CEP128: variants seen among roughly 807,000 people sequenced by gnomAD.
The protein encoded by CEP128 is centrosomal protein 128kDa.
A neutral mutation model predicts 156.7 loss-of-function variants in CEP128; 132 were observed. That is an observed-to-expected ratio of 0.84 (90% confidence interval 0.73 to 0.97). The LOEUF (loss-of-function observed/expected upper bound fraction) is 0.97, where lower values mean the gene tolerates loss of function less well. Ranked by LOEUF, CEP128 falls within the 50% of genes least tolerant of loss-of-function variation. The pLI is 0.00. For missense variants in CEP128, 1,252 were observed against 1,281.9 expected, an observed-to-expected ratio of 0.98 and a Z score of 0.36; for synonymous variants, 469 against 448.9, an observed-to-expected ratio of 1.04 and a Z score of -0.57.
intron 19 of CEP128, among the ~76,000 whole-genome samples, chr14:80,695,083 T>C (rs1896845820): frequency 6.6e-6 from 1 of 152,032 alleles, no homozygotes; most frequent in Admixed American, 6.5e-5. Context: ...AGTGGAGATG[T>C]TTCCAAGGGA....
chr14:80,647,718 C>T (rs1339713455), intron 19 of CEP128, among the ~76,000 whole-genome samples: 2 of 151,994 alleles, frequency 1.3e-5, no homozygotes, highest in Admixed American at 1.3e-4. Context: ...TAGCCTACAA[C>T]GTGCAGTATA....
intron 19 of CEP128, among the ~76,000 whole-genome samples, chr14:80,740,157 G>C (rs1260115381): frequency 1.3e-5 from 2 of 151,538 alleles, no homozygotes; most frequent in African/African-American, 4.8e-5. Flanking sequence ...CTCCTTTAGT[G>C]TTCTTTCATT....
At chr14:80,812,237 A>C (rs1355013633) in intron 13 of CEP128, among the ~76,000 whole-genome samples, 1 of 152,164 alleles carries the variant, frequency 6.6e-6, no homozygotes, top group Non-Finnish European at 1.5e-5. Flanking sequence ...ACATGATTTC[A>C]TTAGTTTTAT....
intron 19 of CEP128, among the ~76,000 whole-genome samples, chr14:80,636,986 T>C (rs1894208766): frequency 6.6e-6 from 1 of 151,434 alleles, no homozygotes; most frequent in Admixed American, 6.6e-5. Context: ...CTAGGAAGGC[T>C]AAGGCAGGAG....
At position 80,772,941 on chromosome 14, in the gene CEP128, C is replaced by T. The variant is rs117223213; in HGVS notation, c.2376+4941G>A. ...GGCAGAAAGACTGAAAAACTCCTGACGAACTTGCAACATTGTCAAGGCTAG... is the reference window on the plus strand; with the variant it reads ...GGCAGAAAGACTGAAAAACTCCTGATGAACTTGCAACATTGTCAAGGCTAG... On this transcript the variant is annotated intron_variant, in intron 16 of 24. Transcript: ENST00000555265. Among the ~76,000 whole-genome samples the T allele has an allele frequency of 6.0e-3, 908 of 152,270 alleles. 12 individuals are homozygous for T. The highest frequency in any genetic ancestry group is 0.03 in the South Asian group (143 of 4,818).
rs1359682230 is a variant in CEP128 at position 80,496,745 on chromosome 14, C to G, written c.*734G>C. Reference sequence around the variant, plus strand: ...TGCTATGATTTTAGTCACAGTAAACCAAAGACGGTCCAGGATATGACTGAA... The same window carrying G: ...TGCTATGATTTTAGTCACAGTAAACGAAAGACGGTCCAGGATATGACTGAA... On this transcript the variant is annotated 3_prime_UTR_variant, in exon 25 of 25. Transcript: ENST00000555265. 1 of 151,992 alleles carries G rather than the reference C, an allele frequency of 6.6e-6. No individual in the cohort carries two copies. The highest frequency in any genetic ancestry group is 1.5e-5 in the Non-Finnish European group (1 of 67,968). 9.4% of individuals were successfully genotyped at this position (151,992 alleles called of 1,614,324 possible). A position where few individuals can be genotyped will look rare whatever the true frequency, so the allele number is the denominator to read the frequency against.
chr14:80,543,494 A>T (rs543701695), intron 21 of CEP128, among the ~76,000 whole-genome samples: 6 of 152,362 alleles, frequency 3.9e-5, no homozygotes, highest in South Asian at 2.1e-4. Context: ...CTGAACAAAA[A>T]GTATTAAGAG....
chr14:80,689,742 G>T lies in CEP128; in HGVS notation c.2806+53333C>A, dbSNP rs574858157. Among the ~76,000 whole-genome samples the T allele has an allele frequency of 4.6e-5, 7 of 152,042 alleles. No homozygotes were observed. The South Asian group carries it at 1.5e-3, about 32-fold the overall frequency. ...TATTTACAAAATTTGTATATAACAGGCTTATTACATTAGAGGCCAGGGAAG... is the reference window on the plus strand; with the variant it reads ...TATTTACAAAATTTGTATATAACAGTCTTATTACATTAGAGGCCAGGGAAG... On this transcript the variant is annotated intron_variant, in intron 19 of 24. Coordinates refer to ENST00000555265, the MANE Select transcript of CEP128 (RefSeq NM_152446.5).
chr14:80,606,933 T>C (rs987624713), intron 19 of CEP128, among the ~76,000 whole-genome samples: 1 of 151,818 alleles, frequency 6.6e-6, no homozygotes, highest in African/African-American at 2.4e-5. Flanking sequence ...CCTTTCATTA[T>C]TACTCTCTAA....
chr14:80,761,321 T>C (rs912408809), intron 17 of CEP128, 116 bp downstream of exon 17: 1 of 761,054 alleles, frequency 1.3e-6, no homozygotes, highest in Non-Finnish European at 2.0e-6. Context: ...AAATGTTATT[T>C]TGTTTTATAA....
intron 19 of CEP128, among the ~76,000 whole-genome samples, chr14:80,640,982 C>T (rs1894382724): frequency 6.6e-6 from 1 of 152,166 alleles, no homozygotes; most frequent in South Asian, 2.1e-4. Context: ...ATTTACATTC[C>T]TTGAGAATTG....
chr14:80,579,143 G>A (rs901952523), intron 20 of CEP128, among the ~76,000 whole-genome samples: 3 of 152,126 alleles, frequency 2.0e-5, no homozygotes, highest in Non-Finnish European at 4.4e-5. Context: ...GTTTATATAT[G>A]TTATTCTGGG....
rs57636757 is a variant in CEP128 at position 80,677,508 on chromosome 14, C to CAAAAA, written c.2806+65562_2806+65566dup. Among the ~76,000 whole-genome samples, 468 of 94,046 alleles carry CAAAAA rather than the reference C, an allele frequency of 5.0e-3. 27 individuals carry two copies. The highest frequency in any genetic ancestry group is 5.9e-3 in the Admixed American group (39 of 6,626). 61.7% of individuals were successfully genotyped at this position (94,046 alleles called of 152,430 possible). ...TGGGCGACACAGCAAGACTCCGTCT[C>CAAAAA]AAAAAAAAAAAAAAAAAAATTAGAA... On this transcript the variant is annotated intron_variant, in intron 19 of 24. Transcript: ENST00000555265.
intron 19 of CEP128, among the ~76,000 whole-genome samples, chr14:80,643,733 AAT>A (rs1894518988): frequency 2.6e-5 from 1 of 38,526 alleles, no homozygotes; most frequent in Non-Finnish European, 5.2e-5. Flanking sequence ...TGGTACATGG[AAT>A]ACACACAGCA....
chr14:80,884,801 C>A (rs922464608), intron 8 of CEP128, among the ~76,000 whole-genome samples: 7 of 152,092 alleles, frequency 4.6e-5, no homozygotes, highest in Non-Finnish European at 7.4e-5. Flanking sequence ...GGAACCCCAG[C>A]GAGACAGAAC....
chr14:80,491,355 T>C lies in CEP128; in HGVS notation c.*11-633A>G, dbSNP rs149232456. The stretch of plus-strand genomic sequence containing the variant: ...TGTTGGGCGGAGGCTGCTCTGCCAG[T>C]GACTCTGGGCAGGAAGTGCCTCGTT... On this transcript the variant is annotated intron_variant, in intron 6 of 6. Transcript: ENST00000556061. Among the ~76,000 whole-genome samples the C allele has an allele frequency of 1.1e-3, 162 of 152,216 alleles. 1 individual carries two copies. The highest frequency in any genetic ancestry group is 3.3e-3 in the African/African-American group (137 of 41,534).
chr14:80,810,339 A>AAAAAAAAAAAAAAAAAAT (rs1884448673), intron 13 of CEP128, among the ~76,000 whole-genome samples: 1 of 148,560 alleles, frequency 6.7e-6, no homozygotes, highest in Non-Finnish European at 1.5e-5. Context: ...AAAAAAAAAA[A>AAAAAAAAAAAAAAAAAAT]AAAAAAAAAG....
At chr14:80,810,396 A>G (rs996256443) in intron 13 of CEP128, among the ~76,000 whole-genome samples, 1 of 151,496 alleles carries the variant, frequency 6.6e-6, no homozygotes, top group East Asian at 1.9e-4. Flanking sequence ...ACAAGAAAAA[A>G]AACTCACATA....
chr14:80,937,695 T>C (rs1168502613), intron 2 of CEP128, among the ~76,000 whole-genome samples: 1 of 152,158 alleles, frequency 6.6e-6, no homozygotes, highest in Non-Finnish European at 1.5e-5. Context: ...AAACATACTA[T>C]ACAATAGTAT....
Sources: gnomAD v4.1 joint callset for allele counts (sites outside exome capture counted in the v4.1 genomes callset) on GRCh38, gnomAD v4.1.1 for gene constraint, MANE v1.5 for transcripts, NCBI Gene and HGNC (gene_info 2026-07-23, HGNC 2026-07-21) for gene names.